Variants in ANKFN1 observed in about 807,000 individuals in gnomAD.
ANKFN1 encodes ankyrin repeat and fibronectin type III domain containing 1, also known as ankyrin repeat and fibronectin type-III domain-containing protein 1.
A neutral mutation model predicts 108.7 loss-of-function variants in ANKFN1; 74 were observed. That is an observed-to-expected ratio of 0.68 (90% CI 0.56 to 0.83). The LOEUF (loss-of-function observed/expected upper bound fraction) is 0.83, where lower values mean the gene tolerates loss of function less well. Among genes scored for constraint, ANKFN1 ranks in the 40% least tolerant of loss-of-function variants. The pLI, the probability that ANKFN1 is intolerant of heterozygous loss-of-function variation, is 0.00. For synonymous variants in ANKFN1, 547 were observed against 516.2 expected, an observed-to-expected ratio of 1.06 and a Z score of -0.81; for missense variants, 1,505 against 1,382.3, an observed-to-expected ratio of 1.09 and a Z score of -1.41.
At position 56,326,221 on chromosome 17, in the gene ANKFN1, A is replaced by G. The variant is rs1164442984; in HGVS notation, c.54A>G (p.Ile18Met). The change falls in exon 4 of 21, where the codon ATA (isoleucine) becomes ATG (methionine). Residue 18 changes from isoleucine to methionine, a missense_variant and splice_region_variant. Transcript: ENST00000682825. ...TGTTCGCATTTTATTCTTTACACAGAATAGGAAGGAGATTCGCTTGCTTTG... is the reference window on the plus strand; with the variant it reads ...TGTTCGCATTTTATTCTTTACACAGGATAGGAAGGAGATTCGCTTGCTTTG... ...FKDRHFTCSKIIGRRFACFAQ... is the reference protein window; with the variant it reads ...FKDRHFTCSKMIGRRFACFAQ... The G allele has an allele frequency of 5.0e-6, 8 of 1,611,306 alleles. No homozygotes were observed. The highest frequency in any genetic ancestry group is 6.8e-6 in the Non-Finnish European group (8 of 1,179,020).
At chr17:56,414,029 G>A (rs1263075392) in intron 8 of ANKFN1, among the ~76,000 whole-genome samples, 1 of 152,188 alleles carries the variant, frequency 6.6e-6, no homozygotes, top group Non-Finnish European at 1.5e-5. Flanking sequence ...GCATCCCAGG[G>A]ATAAAGCCTA....
intron 2 of ANKFN1, among the ~76,000 whole-genome samples, chr17:56,212,897 TA>T (rs1286992237): frequency 6.6e-6 from 1 of 152,216 alleles, no homozygotes; most frequent in Non-Finnish European, 1.5e-5. Flanking sequence ...GCACATTTAC[TA>T]CAAGTCATTG....
chr17:56,222,394 C>A (rs1471145384), intron 2 of ANKFN1, among the ~76,000 whole-genome samples: 2 of 152,166 alleles, frequency 1.3e-5, no homozygotes, highest in Non-Finnish European at 2.9e-5. Flanking sequence ...TCAGAAAGAT[C>A]TGGATGTTTG....
At chr17:56,142,980 C>A (rs1429698684) in intron 4 of ANKFN1, among the ~76,000 whole-genome samples, 1 of 152,110 alleles carries the variant, frequency 6.6e-6, no homozygotes, top group Non-Finnish European at 1.5e-5. Flanking sequence ...CCCAGGAATG[C>A]ATTTGGAGGC....
intron 8 of ANKFN1, among the ~76,000 whole-genome samples, chr17:56,428,178 G>A (rs1319080030): frequency 1.3e-5 from 2 of 151,434 alleles, no homozygotes; most frequent in African/African-American, 4.9e-5. Flanking sequence ...AGGTTGCAGT[G>A]AGCTGAGATC....
intron 8 of ANKFN1, among the ~76,000 whole-genome samples, chr17:56,437,755 A>C (rs2048974235): frequency 6.6e-6 from 1 of 152,158 alleles, no homozygotes; most frequent in South Asian, 2.1e-4. Flanking sequence ...GGAAACATAC[A>C]TGTAATACAT....
intron 4 of ANKFN1, among the ~76,000 whole-genome samples, chr17:56,059,584 T>G (rs1363134081): frequency 6.6e-6 from 1 of 152,198 alleles, no homozygotes; most frequent in Non-Finnish European, 1.5e-5. Flanking sequence ...ATTTAAGTCT[T>G]TATTCCATCT....
chr17:56,435,953 C>A (rs2048917492), intron 8 of ANKFN1, among the ~76,000 whole-genome samples: 1 of 151,912 alleles, frequency 6.6e-6, no homozygotes, highest in Non-Finnish European at 1.5e-5. Flanking sequence ...GCTTGGGTAC[C>A]CAAACTCTTC....
chr17:56,075,770 A>C (rs772639054), intron 4 of ANKFN1, among the ~76,000 whole-genome samples: 1 of 152,136 alleles, frequency 6.6e-6, no homozygotes, highest in Non-Finnish European at 1.5e-5. Context: ...AGCCTGGTAC[A>C]TTGTGCATTA....
intron 2 of ANKFN1, among the ~76,000 whole-genome samples, chr17:56,217,544 G>A (rs1915510693): frequency 6.6e-6 from 1 of 152,236 alleles, no homozygotes; most frequent in South Asian, 2.1e-4. Flanking sequence ...TGGCGAAGAG[G>A]ATAATACTGG....
At chr17:56,497,669 C>G (rs940514493) in intron 19 of ANKFN1, among the ~76,000 whole-genome samples, 1 of 152,120 alleles carries the variant, frequency 6.6e-6, no homozygotes, top group Non-Finnish European at 1.5e-5. Context: ...CCTTGCATGA[C>G]TCACATAATG....
intron 4 of ANKFN1, among the ~76,000 whole-genome samples, chr17:56,335,978 G>A (rs894187967): frequency 2.6e-5 from 4 of 152,160 alleles, no homozygotes; most frequent in Non-Finnish European, 5.9e-5. Flanking sequence ...ATAATCATGT[G>A]GTTTTTGTCG....
At chr17:56,314,415 A>T (rs2045138382) in intron 3 of ANKFN1, among the ~76,000 whole-genome samples, 1 of 152,232 alleles carries the variant, frequency 6.6e-6, no homozygotes, top group South Asian at 2.1e-4. Flanking sequence ...GTTGCTCCAC[A>T]ACCTCACCAA....
chr17:56,240,744 G>A (rs1414518207), intron 3 of ANKFN1, among the ~76,000 whole-genome samples: 2 of 152,038 alleles, frequency 1.3e-5, no homozygotes, highest in African/African-American at 2.4e-5. Context: ...AAAATGGTGT[G>A]TCATTTTTCC....
chr17:56,398,608 T>C (rs1168763363), intron 8 of ANKFN1, among the ~76,000 whole-genome samples: 4 of 152,150 alleles, frequency 2.6e-5, no homozygotes, highest in East Asian at 1.9e-4. Flanking sequence ...TAGTATTCAA[T>C]AGCATAGAGT....
In ANKFN1 at chr17:56,283,524, G is replaced by GATATATATATATATATATATATATATAT. The variant is rs567333825; in HGVS notation, c.54-42683_54-42682insATATATATATATATATATATATATATAT. On this transcript the variant is annotated intron_variant, in intron 3 of 20. Coordinates refer to ENST00000682825, the MANE Select transcript of ANKFN1 (RefSeq NM_001370326.1). ...ATCAACAAATGGATAAAGAAACTGTGATATATATATATATGATGGAATACT... is the reference window on the plus strand; with the variant it reads ...ATCAACAAATGGATAAAGAAACTGTGATATATATATATATATATATATATATATATATATATATATATGATGGAATACT... 2.2e-4 allele frequency among the ~76,000 whole-genome samples: 31 copies of GATATATATATATATATATATATATATAT among 141,584 alleles called. 1 individual carries two copies. The highest frequency in any genetic ancestry group is 8.4e-4 in the African/African-American group (28 of 33,372). 92.9% of individuals were successfully genotyped at this position (141,584 alleles called of 152,430 possible).
At chr17:56,143,802 G>T (rs1021031777) in intron 4 of ANKFN1, among the ~76,000 whole-genome samples, 1 of 152,028 alleles carries the variant, frequency 6.6e-6, no homozygotes. Context: ...TTGGAATTAC[G>T]CAGCTACAAG....
intron 8 of ANKFN1, among the ~76,000 whole-genome samples, chr17:56,401,062 C>T (rs1389604712): frequency 1.3e-5 from 2 of 152,240 alleles, no homozygotes; most frequent in East Asian, 3.9e-4. Flanking sequence ...CTTGCTTTGG[C>T]TATGTGGGCT....
Position 56,066,311 on chromosome 17 carries a change from C to T in ANKFN1, c.288+19986C>T, listed in dbSNP as rs186614579. Among the ~76,000 whole-genome samples, 38 of 152,314 alleles carry T rather than the reference C, an allele frequency of 2.5e-4. No individual in the cohort carries two copies. In the East Asian group the frequency reaches 7.0e-3, roughly 28 times the overall value. On this transcript the variant is annotated intron_variant, in intron 4 of 12. Coordinates refer to the ANKFN1 transcript ENST00000635860. ...AAGAAGAACCCCAGCTGAGCCACCA[C>T]CTCTGTTCAGTGCTCGGTACCTATG...
Sources: gnomAD v4.1 joint callset for allele counts (sites outside exome capture counted in the v4.1 genomes callset) on GRCh38, gnomAD v4.1.1 for gene constraint, MANE v1.5 for transcripts, NCBI Gene and HGNC (gene_info 2026-07-23, HGNC 2026-07-21) for gene names.